The following TUSC3 variants were observed in gnomAD, a reference collection of about 807,000 sequenced individuals.
TUSC3 encodes the protein tumor suppressor candidate 3.
In TUSC3, 45 loss-of-function variants were observed where a neutral mutation model predicts 44.8. The observed-to-expected ratio is 1.00, with a 90% CI of 0.79 to 1.29. The LOEUF is 1.29. Ranked by LOEUF, TUSC3 falls within the 50% of genes most tolerant of loss-of-function variation. The pLI is 0.00. For synonymous variants in TUSC3, 212 were observed against 152.9 expected (o/e 1.39, Z -2.85); for missense variants, 519 against 437.9 (o/e 1.19, Z -1.65).
chr8:15,708,640 AAGAT>A (rs1292239556), intron 6 of TUSC3, among the ~76,000 whole-genome samples: 2 of 151,974 alleles, frequency 1.3e-5, no homozygotes, highest in African/African-American at 4.8e-5. Flanking sequence ...GTGGAGAAGA[AAGAT>A]AAAACATTCA....
At chr8:15,441,785 T>C (rs2129118569) in intron 1 of TUSC3, among the ~76,000 whole-genome samples, 1 of 152,260 alleles carries the variant, frequency 6.6e-6, no homozygotes, top group Admixed American at 6.5e-5. Flanking sequence ...TCCTGAGTGT[T>C]CCAGACTGGA....
At position 15,622,645 on chromosome 8, in the gene TUSC3, A is replaced by C. The variant is rs191928303; in HGVS notation, c.139-435A>C. Among the ~76,000 whole-genome samples, 5 of 152,200 alleles carry C rather than the reference A, an allele frequency of 3.3e-5. No homozygotes were observed. In the East Asian group the frequency reaches 9.6e-4, roughly 29 times the overall value. On this transcript the variant is annotated intron_variant, in intron 1 of 10. Transcript: ENST00000503731. ...ACAACACTCTTTTGTGTATAGTTGC[A>C]GCTTTGTGTTTGTGGGGGTGGTTGT...
At chr8:15,510,479 T>C (rs1801118115) in intron 2 of TUSC3, among the ~76,000 whole-genome samples, 1 of 152,108 alleles carries the variant, frequency 6.6e-6, no homozygotes, top group African/African-American at 2.4e-5. Flanking sequence ...ATGCAGTAAA[T>C]TCACAACTTA....
chr8:15,763,613 A>T (rs1447903648), intron 10 of TUSC3, among the ~76,000 whole-genome samples: 2 of 151,964 alleles, frequency 1.3e-5, no homozygotes, highest in East Asian at 3.9e-4. Flanking sequence ...TACAAAATTA[A>T]ATTTTGTTTC....
chr8:15,437,638 A>G (rs1265632972), intron 1 of TUSC3, among the ~76,000 whole-genome samples: 1 of 152,226 alleles, frequency 6.6e-6, no homozygotes, highest in East Asian at 1.9e-4. Flanking sequence ...TAAGTTATAA[A>G]AAGGTATATG....
intron 1 of TUSC3, among the ~76,000 whole-genome samples, chr8:15,474,329 G>A (rs1800538872): frequency 1.3e-5 from 2 of 151,944 alleles, no homozygotes; most frequent in Non-Finnish European, 2.9e-5. Flanking sequence ...CAGTGGTCCT[G>A]AGGTGATGTA....
intron 2 of TUSC3, among the ~76,000 whole-genome samples, chr8:15,635,004 TA>T (rs1805999513): frequency 6.6e-6 from 1 of 152,098 alleles, no homozygotes; most frequent in Non-Finnish European, 1.5e-5. Context: ...ACCATGTCAG[TA>T]AAACAAGAGA....
At chr8:15,476,422 A>AT (rs1008722295) in intron 1 of TUSC3, among the ~76,000 whole-genome samples, 3 of 152,242 alleles carry the variant, frequency 2.0e-5, no homozygotes, top group Admixed American at 1.3e-4. Context: ...AACTAATGTA[A>AT]TTTTTTCTAA....
intron 2 of TUSC3, among the ~76,000 whole-genome samples, chr8:15,494,550 G>A (rs529867882): frequency 2.1e-4 from 32 of 151,984 alleles, no homozygotes; most frequent in Non-Finnish European, 3.2e-4. Flanking sequence ...ATCTCTTGAC[G>A]TCGTGATCTG....
At chr8:15,460,885 A>T (rs1024702325) in intron 1 of TUSC3, among the ~76,000 whole-genome samples, 1 of 152,130 alleles carries the variant, frequency 6.6e-6, no homozygotes, top group African/African-American at 2.4e-5. Context: ...CCATTGGTCT[A>T]TGTGCCTGTT....
rs138266760 is a variant in TUSC3 at position 15,478,438 on chromosome 8, C to T, written n.92-4948C>T. Among the ~76,000 whole-genome samples the T allele has an allele frequency of 3.1e-3, 468 of 152,244 alleles. 1 individual carries two copies. The highest frequency in any genetic ancestry group is 0.01 in the African/African-American group (428 of 41,540). Reference sequence around the variant, plus strand: ...CTGGTGCTCTCTCTCCCCCAACTCCCGCCAAGAGGCCCCAATGTGTGTTGT... The same window carrying T: ...CTGGTGCTCTCTCTCCCCCAACTCCTGCCAAGAGGCCCCAATGTGTGTTGT... On this transcript the variant is annotated intron_variant and non_coding_transcript_variant, in intron 1 of 5. Transcript: ENST00000503191.
chr8:15,589,994 T>C (rs1449913460), intron 1 of TUSC3, among the ~76,000 whole-genome samples: 4 of 152,114 alleles, frequency 2.6e-5, no homozygotes, highest in African/African-American at 4.8e-5. Flanking sequence ...ATAATGTTTG[T>C]CTGTAATTTC....
chr8:15,573,943 T>TA (rs752605247), intron 1 of TUSC3, among the ~76,000 whole-genome samples: 4 of 152,164 alleles, frequency 2.6e-5, no homozygotes, highest in Non-Finnish European at 4.4e-5. Context: ...CAGTAGATGG[T>TA]AGAGAATGAA....
At chr8:15,610,985 A>G (rs1169776324) in intron 1 of TUSC3, among the ~76,000 whole-genome samples, 2 of 152,198 alleles carry the variant, frequency 1.3e-5, no homozygotes, top group African/African-American at 4.8e-5. Flanking sequence ...ATATTGTAGT[A>G]CCGTCCACTG....
chr8:15,652,055 G>T (rs1341241682), intron 3 of TUSC3, among the ~76,000 whole-genome samples: 9 of 152,204 alleles, frequency 5.9e-5, no homozygotes, highest in Non-Finnish European at 1.2e-4. Context: ...ACTCAACTGT[G>T]TGGCTCCCAG....
chr8:15,611,447 A>T (rs777891018), intron 1 of TUSC3, among the ~76,000 whole-genome samples: 16 of 152,190 alleles, frequency 1.1e-4, no homozygotes, highest in Non-Finnish European at 2.4e-4. Context: ...CCGGCCTCCC[A>T]AAGTGCTGGG....
chr8:15,501,055 G>C (rs545254305), intron 2 of TUSC3, among the ~76,000 whole-genome samples: 1 of 151,278 alleles, frequency 6.6e-6, no homozygotes, highest in African/African-American at 2.4e-5. Context: ...ACCCACCCAA[G>C]TCTAAGACAG....
chr8:15,549,486 AT>A (rs1259759411), intron 1 of TUSC3, among the ~76,000 whole-genome samples: 2 of 151,496 alleles, frequency 1.3e-5, no homozygotes, highest in Admixed American at 1.3e-4. Flanking sequence ...GTACTTACTT[AT>A]TTTTTTGTGT....
chr8:15,532,669 C>T (rs1426001496), intron 2 of TUSC3, among the ~76,000 whole-genome samples: 1 of 152,102 alleles, frequency 6.6e-6, no homozygotes, highest in South Asian at 2.1e-4. Flanking sequence ...TTCTGTGTCC[C>T]CACCCAAATC....
Sources: gnomAD v4.1 joint callset for allele counts (sites outside exome capture counted in the v4.1 genomes callset) on GRCh38, gnomAD v4.1.1 for gene constraint, MANE v1.5 for transcripts, NCBI Gene and HGNC (gene_info 2026-07-23, HGNC 2026-07-21) for gene names.